DMD: variants seen among roughly 807,000 people sequenced by gnomAD.
The protein encoded by DMD is dystrophin, also known as mutant dystrophin.
Under a neutral mutation model 330.1 loss-of-function variants are expected in DMD, and 63 were observed. The observed-to-expected ratio is 0.19, with a 90% CI of 0.16 to 0.24. DMD has a LOEUF of 0.24. Among genes scored for constraint, DMD ranks in the 10% least tolerant of loss-of-function variants. The probability of loss-of-function intolerance (pLI) is 1.00; values close to 1 mark genes in which losing one functional copy is unlikely to be tolerated. For missense variants in DMD, 3,344 were observed against 2,684.1 expected (o/e 1.25, Z -5.43); for synonymous variants, 1,223 against 959.8 (o/e 1.27, Z -5.07).
chrX:32,634,716 C>A (rs2058975022), intron 11 of DMD, among the ~76,000 whole-genome samples: 1 of 111,852 alleles, frequency 8.9e-6, no homozygotes, highest in Non-Finnish European at 1.9e-5. Flanking sequence ...ATCCAAGCAG[C>A]AAGACAAAGT....
intron 1 of DMD, among the ~76,000 whole-genome samples, chrX:33,079,707 T>A (rs190505261): frequency 8.9e-6 from 1 of 111,875 alleles, no homozygotes; most frequent in East Asian, 2.8e-4. Flanking sequence ...TTGGAAAGTT[T>A]GCCAAATATC....
chrX:33,034,026 G>C (rs943797060), intron 1 of DMD, among the ~76,000 whole-genome samples: 2 of 111,099 alleles, frequency 1.8e-5, no homozygotes, highest in Non-Finnish European at 3.8e-5. Flanking sequence ...TAAAATGTTT[G>C]AATGGTTATC....
At chrX:31,554,048 G>A (rs1410854526) in intron 55 of DMD, among the ~76,000 whole-genome samples, 1 of 112,437 alleles carries the variant, frequency 8.9e-6, no homozygotes, top group Non-Finnish European at 1.9e-5. Flanking sequence ...GCTATGCAGT[G>A]TCAAGATGGG....
At chrX:32,554,887 A>T (rs867308605) in intron 16 of DMD, among the ~76,000 whole-genome samples, 1 of 20,899 alleles carries the variant, frequency 4.8e-5, no homozygotes, top group Non-Finnish European at 7.2e-5. Context: ...AGAAGAAAGA[A>T]AGAAAGAAAG....
At chrX:31,957,614 AC>A (rs2095259587) in intron 45 of DMD, among the ~76,000 whole-genome samples, 1 of 112,254 alleles carries the variant, frequency 8.9e-6, no homozygotes, top group African/African-American at 3.2e-5. Flanking sequence ...CTTTCATTTT[AC>A]AAACGATTTT....
At chrX:31,178,958 T>C (rs1453835467) in intron 69 of DMD, among the ~76,000 whole-genome samples, 153 bp from the exon 70 acceptor site, 1 of 111,507 alleles carries the variant, frequency 9.0e-6, no homozygotes, top group Non-Finnish European at 1.9e-5. Flanking sequence ...AATGGGGCTC[T>C]GAAACCAGGC....
At chrX:31,220,237 C>T (rs953060916) in intron 64 of DMD, among the ~76,000 whole-genome samples, 3 of 111,478 alleles carry the variant, frequency 2.7e-5, no homozygotes, top group Non-Finnish European at 5.7e-5. Flanking sequence ...AACTCCTCAG[C>T]CCCCTCCAAC....
chrX:32,246,929 G>A (rs1006298410), intron 43 of DMD, among the ~76,000 whole-genome samples: 4 of 110,878 alleles, frequency 3.6e-5, no homozygotes, highest in Non-Finnish European at 7.6e-5. Context: ...GTACTTCAGA[G>A]TCAAATGTGA....
chrX:31,274,391 C>G (rs1273218056), intron 62 of DMD, among the ~76,000 whole-genome samples: 2 of 111,826 alleles, frequency 1.8e-5, no homozygotes, highest in Admixed American at 9.5e-5. Flanking sequence ...CTGGAGTAGT[C>G]AGAGAGCAAG....
At chrX:33,136,005 G>A (rs113727365) in intron 1 of DMD, among the ~76,000 whole-genome samples, 2,203 of 111,165 alleles carry the variant, frequency 0.02, 50 homozygotes, top group African/African-American at 0.068. Context: ...GGCAGTGAGT[G>A]TATATTATTT....
intron 2 of DMD, among the ~76,000 whole-genome samples, chrX:32,889,449 C>G (rs2084973207): frequency 9.0e-6 from 1 of 110,656 alleles, no homozygotes; most frequent in Admixed American, 9.6e-5. Flanking sequence ...GCCTTCAAAT[C>G]CTGGCACTGT....
At chrX:31,499,489 CTTT>C (rs774151183) in intron 56 of DMD, among the ~76,000 whole-genome samples, 3 of 83,677 alleles carry the variant, frequency 3.6e-5, no homozygotes, top group Non-Finnish European at 4.6e-5. Flanking sequence ...GAATTCAGTT[CTTT>C]TTTTTTTTTT....
intron 1 of DMD, among the ~76,000 whole-genome samples, chrX:33,204,980 G>C (rs908972945): frequency 5.3e-5 from 6 of 112,432 alleles, no homozygotes; most frequent in African/African-American, 1.9e-4. Flanking sequence ...TAGAGACGGG[G>C]TGTGTACACC....
chrX:31,276,309 T>C (rs183422114), intron 62 of DMD, among the ~76,000 whole-genome samples: 189 of 112,174 alleles, frequency 1.7e-3, no homozygotes, highest in African/African-American at 5.7e-3. Context: ...TCAGCCCACC[T>C]TGGCCTCCCA....
intron 42 of DMD, among the ~76,000 whole-genome samples, chrX:32,305,374 A>C (rs946219490): frequency 6.3e-5 from 7 of 111,492 alleles, no homozygotes; most frequent in African/African-American, 2.3e-4. Flanking sequence ...ATATGAGAAG[A>C]AATCATACAT....
At chrX:33,177,993 G>T (rs193042274) in intron 1 of DMD, among the ~76,000 whole-genome samples, 336 of 112,369 alleles carry the variant, frequency 3.0e-3, no homozygotes, top group African/African-American at 0.01. Flanking sequence ...TAAAAAACTT[G>T]AGTTAAGATT....
At position 32,788,663 on chromosome X, in the gene DMD, T is replaced by G. The variant is rs191956841; in HGVS notation, c.649+20830A>C. On this transcript the variant is annotated intron_variant, in intron 7 of 78. Transcript: ENST00000357033. ...GCATATCTGGCTAAAATACAAACTG[T>G]TTAGCAAAACTAACCCTGGATAAAT... Among the ~76,000 whole-genome samples the G allele has an allele frequency of 2.2e-3, 242 of 112,174 alleles. 1 individual carries two copies. The highest frequency in any genetic ancestry group is 7.6e-3 in the African/African-American group (234 of 30,844).
intron 1 of DMD, among the ~76,000 whole-genome samples, chrX:33,151,031 A>G (rs369968334): frequency 1.8e-5 from 2 of 112,501 alleles, no homozygotes; most frequent in African/African-American, 6.5e-5. Flanking sequence ...CAAGGTTTTC[A>G]ACAAGGGCAG....
intron 41 of DMD, among the ~76,000 whole-genome samples, chrX:32,320,326 C>A (rs770736063): frequency 9.0e-6 from 1 of 111,445 alleles, no homozygotes. Flanking sequence ...ATTAGAAATG[C>A]GAGTGATAGT....
Sources: gnomAD v4.1 joint callset for allele counts (sites outside exome capture counted in the v4.1 genomes callset) on GRCh38, gnomAD v4.1.1 for gene constraint, MANE v1.5 for transcripts, NCBI Gene and HGNC (gene_info 2026-07-23, HGNC 2026-07-21) for gene names.